The following RBM47 variants were observed in gnomAD, a reference collection of about 807,000 sequenced individuals.
RBM47 encodes the protein RNA-binding protein 47.
In RBM47, 21 loss-of-function variants were observed where a neutral mutation model predicts 47.1. The observed-to-expected ratio is 0.45, with a 90% CI of 0.32 to 0.64. RBM47 has a LOEUF of 0.64. Ranked by LOEUF, RBM47 falls within the 30% of genes least tolerant of loss-of-function variation. The pLI, the probability that RBM47 is intolerant of heterozygous loss-of-function variation, is 0.05. For missense variants in RBM47, 708 were observed against 870.9 expected, an observed-to-expected ratio of 0.81 and a Z score of 2.35; for synonymous variants, 375 against 361.7, an observed-to-expected ratio of 1.04 and a Z score of -0.42.
rs918402558 is a variant in RBM47 at position 40,628,126 on chromosome 4, G to C, written c.-240+1270C>G. ...GAAGCTAGGTGCTTGGGAAATTTCT[G>C]AGACCCCATCCTTCCAGCATGCAAT... On this transcript the variant is annotated intron_variant, in intron 1 of 6. Transcript: ENST00000295971. This position sits in a 1 kb window ranked among gnomAD's most constrained non-coding sequence, Gnocchi z 4.0. Among the ~76,000 whole-genome samples, 1 of 152,152 alleles carries C rather than the reference G, an allele frequency of 6.6e-6. No homozygotes were observed.
At chr4:40,444,464 A>C (rs975240389) in intron 3 of RBM47, among the ~76,000 whole-genome samples, 1 of 151,708 alleles carries the variant, frequency 6.6e-6, no homozygotes, top group Non-Finnish European at 1.5e-5. Context: ...CTGCTTTTAT[A>C]CTACAATGGC....
At chr4:40,626,978 C>T (rs1737803282) in intron 1 of RBM47, among the ~76,000 whole-genome samples, 1 of 152,206 alleles carries the variant, frequency 6.6e-6, no homozygotes, top group Non-Finnish European at 1.5e-5. Context: ...CAGGTCATCT[C>T]TGCATTGCTA....
chr4:40,470,055 T>G lies in RBM47; in HGVS notation c.-154-3356A>C, dbSNP rs551191528. Among the ~76,000 whole-genome samples the G allele has an allele frequency of 9.2e-5, 14 of 152,330 alleles. No homozygotes were observed. The South Asian group carries it at 2.9e-3, about 32-fold the overall frequency. On this transcript the variant is annotated intron_variant, in intron 2 of 6. Coordinates refer to ENST00000295971, the MANE Select transcript of RBM47 (RefSeq NM_001098634.2). ...ATTGGATACTCCAGAGAACCCAGTTTGAGAAGGTTAGTTCCAGTCCAAACC... is the reference window on the plus strand; with the variant it reads ...ATTGGATACTCCAGAGAACCCAGTTGGAGAAGGTTAGTTCCAGTCCAAACC...
intron 3 of RBM47, among the ~76,000 whole-genome samples, chr4:40,458,718 C>G (rs1286429191): frequency 6.6e-6 from 1 of 151,934 alleles, no homozygotes. Flanking sequence ...TGCATTGTTT[C>G]AATGTTGTTC....
At chr4:40,561,044 A>T (rs1474779185) in intron 1 of RBM47, among the ~76,000 whole-genome samples, 2 of 151,714 alleles carry the variant, frequency 1.3e-5, no homozygotes, top group African/African-American at 4.8e-5. Flanking sequence ...ACGTGTCAGG[A>T]ACTGCATTAA....
chr4:40,616,635 T>C (rs73140371), intron 1 of RBM47, among the ~76,000 whole-genome samples: 4,846 of 152,214 alleles, frequency 0.032, 177 homozygotes, highest in East Asian at 0.14. Context: ...CCTTTCATTA[T>C]GTGGTTTAAA....
rs1714879028 is a variant in RBM47 at position 40,448,331 on chromosome 4, A to G, written c.-31-9407T>C. On this transcript the variant is annotated intron_variant, in intron 3 of 6. Transcript: ENST00000295971. ...TGTGTGTGTTTGAGATGAGTATGCA[A>G]TTTGGAATTCTTGGGAGAGCTTTAT... Among the ~76,000 whole-genome samples, 4 of 152,174 alleles carry G rather than the reference A, an allele frequency of 2.6e-5. No individual in the cohort carries two copies. The South Asian group carries it at 8.3e-4, about 32-fold the overall frequency.
At chr4:40,514,690 T>G (rs1220137881) in intron 2 of RBM47, 1 of 152,196 alleles carries the variant, frequency 6.6e-6, no homozygotes, top group Non-Finnish European at 1.5e-5. Flanking sequence ...AATATAATGG[T>G]CGAAAAGATA....
intron 2 of RBM47, among the ~76,000 whole-genome samples, chr4:40,506,139 G>A (rs576392856): frequency 6.6e-6 from 1 of 152,250 alleles, no homozygotes; most frequent in South Asian, 2.1e-4. Context: ...TGGCTTTATA[G>A]TAAGAAGCCA....
intron 1 of RBM47, among the ~76,000 whole-genome samples, chr4:40,561,461 T>G (rs1271819355): frequency 6.6e-6 from 1 of 151,304 alleles, no homozygotes; most frequent in Non-Finnish European, 1.5e-5. Flanking sequence ...TGACCTCAGG[T>G]GATCCACCTG....
chr4:40,468,716 T>C (rs1718414420), intron 2 of RBM47, among the ~76,000 whole-genome samples: 1 of 152,216 alleles, frequency 6.6e-6, no homozygotes, highest in African/African-American at 2.4e-5. Flanking sequence ...TTTAATCTTG[T>C]TAACAATGAT....
chr4:40,582,259 C>A lies in RBM47; in HGVS notation c.-239-37753G>T, dbSNP rs1325935447. On this transcript the variant is annotated intron_variant, in intron 1 of 6. Transcript: ENST00000295971. Reference sequence around the variant, plus strand: ...TTCCAAAACTAAGATCTGGGCCAGGCATAGTGGCTCACGCCTGTAATCCCA... The same window carrying A: ...TTCCAAAACTAAGATCTGGGCCAGGAATAGTGGCTCACGCCTGTAATCCCA... 2.0e-4 allele frequency among the ~76,000 whole-genome samples: 31 copies of A among 152,192 alleles called. 2 individuals carry two copies. Among genetic ancestry groups the A allele is most frequent in the Non-Finnish European group, 4.4e-5 (3 of 68,026 alleles).
In RBM47 at chr4:40,438,294, C is replaced by T. The variant is rs763568742; in HGVS notation, c.600G>A (p.Glu200=). 3 of 1,604,946 alleles carry T rather than the reference C, an allele frequency of 1.9e-6. No homozygotes were observed. The East Asian group carries it at 6.7e-5, about 36-fold the overall frequency. ...KMKNRGFAFV[E]YESHRAAAMA... is the part of the protein sequence containing the mutation. The stretch of plus-strand genomic sequence containing the variant: ...TGGCAGCCGCGCGGTGGCTCTCGTA[C>T]TCCACGAAGGCGAAGCCGCGGTTCT... The change falls in exon 4 of 7, where the codon GAG becomes GAA. Residue 200 remains glutamate (E), a synonymous_variant. Transcript: ENST00000295971.
chr4:40,436,937 C>T (rs1202883934), intron 4 of RBM47: 17 of 496,744 alleles, frequency 3.4e-5, no homozygotes, highest in Admixed American at 2.4e-5. Flanking sequence ...ACCCCCTCCC[C>T]CCCGCCAAAA....
At chr4:40,432,528 A>T in intron 6 of RBM47, 123 bp downstream of exon 6, 1 of 1,500,624 alleles carries the variant, frequency 6.7e-7, no homozygotes. Context: ...GCTTTGTGTC[A>T]CCCAACCATA....
At chr4:40,621,376 T>A (rs554214902) in intron 1 of RBM47, among the ~76,000 whole-genome samples, 1 of 152,292 alleles carries the variant, frequency 6.6e-6, no homozygotes, top group South Asian at 2.1e-4. Flanking sequence ...CAAACAAACA[T>A]GACAGATCAG....
At chr4:40,454,739 C>T (rs1171585731) in intron 3 of RBM47, among the ~76,000 whole-genome samples, 6 of 152,166 alleles carry the variant, frequency 3.9e-5, no homozygotes, top group Non-Finnish European at 8.8e-5. Context: ...CTCAGGTGAT[C>T]CGCCCACCTC....
chr4:40,469,863 A>C (rs1272894725), intron 2 of RBM47, among the ~76,000 whole-genome samples: 1 of 151,756 alleles, frequency 6.6e-6, no homozygotes, highest in African/African-American at 2.4e-5. Context: ...TCTAACTCTT[A>C]ACCTCAAGCG....
intron 1 of RBM47, among the ~76,000 whole-genome samples, chr4:40,621,562 T>C (rs542064548): frequency 3.3e-4 from 50 of 152,344 alleles, no homozygotes; most frequent in Middle Eastern, 6.8e-3. Context: ...GTAGCAGCAA[T>C]TGGCACTTGT....
Sources: allele counts gnomAD v4.1 joint callset (sites outside exome capture counted in the v4.1 genomes callset), GRCh38; gene constraint gnomAD v4.1.1; non-coding constraint Gnocchi (gnomAD v3.1); transcripts MANE v1.5; gene names NCBI Gene and HGNC (gene_info 2026-07-23, HGNC 2026-07-21).